Variants in CTNNA2 observed in about 807,000 individuals in gnomAD.
The protein encoded by CTNNA2 is catenin alpha 2.
CTNNA2 carries 42 observed loss-of-function variants against 101.0 expected under a neutral mutation model. The ratio of observed to expected loss-of-function variants is 0.42; its 90% CI spans 0.32 to 0.54. CTNNA2 has a LOEUF of 0.54. Among genes scored for constraint, CTNNA2 ranks in the 20% least tolerant of loss-of-function variants. The pLI is 0.14. For missense variants in CTNNA2, 871 were observed against 1,223.1 expected, an observed-to-expected ratio of 0.71 and a Z score of 4.29; for synonymous variants, 450 against 456.4, an observed-to-expected ratio of 0.99 and a Z score of 0.18.
At chr2:80,511,009 C>T (rs1688663037) in intron 9 of CTNNA2, among the ~76,000 whole-genome samples, 1 of 152,154 alleles carries the variant, frequency 6.6e-6, no homozygotes. Context: ...AATATCATCT[C>T]TCAGGGAAGG....
chr2:80,375,513 G>T (rs1675858638), intron 7 of CTNNA2, among the ~76,000 whole-genome samples: 1 of 150,956 alleles, frequency 6.6e-6, no homozygotes, highest in Admixed American at 6.6e-5. Context: ...ACTTATAGCT[G>T]GTTTTACTCA....
At chr2:79,953,488 A>G (rs1689021438) in intron 7 of CTNNA2, among the ~76,000 whole-genome samples, 1 of 152,114 alleles carries the variant, frequency 6.6e-6, no homozygotes, top group Non-Finnish European at 1.5e-5. Context: ...AATTTGTATG[A>G]CTGTTTGCTT....
At chr2:80,409,540 T>A (rs1386781498) in intron 8 of CTNNA2, among the ~76,000 whole-genome samples, 1 of 152,084 alleles carries the variant, frequency 6.6e-6, no homozygotes, top group Admixed American at 6.5e-5. Flanking sequence ...GCTTGTCTTG[T>A]TTTCTTCTGT....
chr2:79,996,512 G>A (rs1436246935), intron 7 of CTNNA2, among the ~76,000 whole-genome samples: 2 of 152,192 alleles, frequency 1.3e-5, no homozygotes, highest in East Asian at 3.8e-4. Flanking sequence ...CTTTTGAAAT[G>A]TCAAATCAAA....
intron 1 of CTNNA2, among the ~76,000 whole-genome samples, chr2:79,613,616 A>G (rs980355627): frequency 1.1e-4 from 16 of 152,180 alleles, no homozygotes; most frequent in Admixed American, 9.8e-4. Flanking sequence ...CAACAATAAC[A>G]AAAATAATAA....
chr2:80,136,874 C>G lies in CTNNA2; in HGVS notation c.1056+227077C>G, dbSNP rs17018669. The stretch of plus-strand genomic sequence containing the variant: ...CCTCTTTACTGGACAGAAGGTCAGT[C>G]AAATGGATAGACACATGTTTATCTC... On this transcript the variant is annotated intron_variant, in intron 7 of 18. Transcript: ENST00000402739. 3.5e-3 allele frequency among the ~76,000 whole-genome samples: 526 copies of G among 152,274 alleles called. 2 individuals are homozygous for G. Among genetic ancestry groups the G allele is most frequent in the African/African-American group, 0.011 (470 of 41,572 alleles).
intron 7 of CTNNA2, among the ~76,000 whole-genome samples, chr2:80,199,982 T>C (rs1707100265): frequency 6.6e-6 from 1 of 152,194 alleles, no homozygotes; most frequent in Non-Finnish European, 1.5e-5. Context: ...TAGGCACCTA[T>C]GTTTCTGACT....
At chr2:79,813,006 G>A (rs1295896032) in intron 3 of CTNNA2, among the ~76,000 whole-genome samples, 7 of 152,134 alleles carry the variant, frequency 4.6e-5, no homozygotes. Flanking sequence ...TTTACACCTT[G>A]TTACCACTAG....
chr2:80,029,793 G>A (rs1317597081), intron 7 of CTNNA2, among the ~76,000 whole-genome samples: 7 of 152,068 alleles, frequency 4.6e-5, no homozygotes, highest in Non-Finnish European at 5.9e-5. Context: ...TGTGTTTATA[G>A]AATAGTAACA....
intron 7 of CTNNA2, among the ~76,000 whole-genome samples, chr2:80,211,283 T>C (rs1195553067): frequency 1.3e-5 from 2 of 152,240 alleles, no homozygotes; most frequent in Non-Finnish European, 2.9e-5. Flanking sequence ...AGTCATGAAG[T>C]CCTTGCCCAT....
chr2:80,420,579 T>G (rs1464942535), intron 9 of CTNNA2, among the ~76,000 whole-genome samples: 1 of 152,202 alleles, frequency 6.6e-6, no homozygotes, highest in African/African-American at 2.4e-5. Flanking sequence ...TTTTTTTCAT[T>G]TGGATGGAAA....
intron 2 of CTNNA2, among the ~76,000 whole-genome samples, chr2:79,270,239 AT>A (rs1395101002): frequency 2.0e-5 from 3 of 152,108 alleles, no homozygotes; most frequent in Non-Finnish European, 4.4e-5. Flanking sequence ...TGTAAAAAAA[AT>A]ATATGACAAA....
intron 7 of CTNNA2, among the ~76,000 whole-genome samples, chr2:80,321,519 T>C (rs1338365549): frequency 6.6e-6 from 1 of 152,232 alleles, no homozygotes; most frequent in African/African-American, 2.4e-5. Flanking sequence ...TATTTCTTTA[T>C]TGAACAGCAT....
At chr2:79,778,354 TAAAA>T (rs1298154131) in intron 3 of CTNNA2, among the ~76,000 whole-genome samples, 5 of 150,168 alleles carry the variant, frequency 3.3e-5, no homozygotes, top group South Asian at 2.1e-4. Context: ...AAAAAAAAAA[TAAAA>T]AAAGGCTTAT....
At chr2:80,218,421 A>AAACC (rs1277468137) in intron 7 of CTNNA2, among the ~76,000 whole-genome samples, 3 of 152,252 alleles carry the variant, frequency 2.0e-5, no homozygotes, top group Non-Finnish European at 2.9e-5. Context: ...AAGACCAGAC[A>AAACC]AACCTATATT....
intron 3 of CTNNA2, among the ~76,000 whole-genome samples, chr2:79,797,203 A>T (rs777961686): frequency 1.3e-5 from 2 of 152,168 alleles, no homozygotes; most frequent in Non-Finnish European, 2.9e-5. Flanking sequence ...GAAAGTACCT[A>T]TGTAGACATC....
chr2:80,124,329 C>T (rs1328202259), intron 7 of CTNNA2, among the ~76,000 whole-genome samples: 1 of 152,050 alleles, frequency 6.6e-6, no homozygotes, highest in Non-Finnish European at 1.5e-5. Context: ...ACCCTTGGGA[C>T]TGGATTAAGT....
At chr2:80,026,513 CAGAG>C (rs1694937740) in intron 7 of CTNNA2, among the ~76,000 whole-genome samples, 1 of 152,112 alleles carries the variant, frequency 6.6e-6, no homozygotes, top group Non-Finnish European at 1.5e-5. Flanking sequence ...TCTTGGTGAA[CAGAG>C]AGGCCTGCAG....
chr2:79,906,543 T>C (rs987357966), intron 6 of CTNNA2, among the ~76,000 whole-genome samples: 4 of 152,236 alleles, frequency 2.6e-5, no homozygotes, highest in African/African-American at 9.6e-5. Flanking sequence ...TAAAAAGCTT[T>C]TCCACTGTGA....
Sources: gnomAD v4.1 joint callset for allele counts (sites outside exome capture counted in the v4.1 genomes callset) on GRCh38, gnomAD v4.1.1 for gene constraint, MANE v1.5 for transcripts, NCBI Gene and HGNC (gene_info 2026-07-23, HGNC 2026-07-21) for gene names.